PELI2: variants seen among roughly 807,000 people sequenced by gnomAD.
The protein encoded by PELI2 is E3 ubiquitin-protein ligase pellino homolog 2.
In PELI2, 23 loss-of-function variants were observed where a neutral mutation model predicts 42.3. That is an observed-to-expected ratio of 0.54 (90% CI 0.39 to 0.77). The LOEUF is 0.77. Among genes scored for constraint, PELI2 ranks in the 30% least tolerant of loss-of-function variants. The probability of loss-of-function intolerance (pLI) is 0.00; values close to 1 mark genes in which losing one functional copy is unlikely to be tolerated. For missense variants in PELI2, 463 were observed against 553.2 expected (o/e 0.84, Z 1.64); for synonymous variants, 245 against 212.2 (o/e 1.15, Z -1.34).
rs1490505956 is a variant in PELI2 at position 56,298,066 on chromosome 14, A to G, written c.*900A>G. 2 of 150,988 alleles carry G rather than the reference A, an allele frequency of 1.3e-5. No individual in the cohort carries two copies. The highest frequency in any genetic ancestry group is 2.4e-5 in the African/African-American group (1 of 41,104). The allele number at this position is 150,988 out of a possible 1,614,324, so 9.4% of individuals were successfully genotyped here. A position where few individuals can be genotyped will look rare whatever the true frequency, so the allele number is the denominator to read the frequency against. ...TAAGAATGATTAAAAATAAGCTTTT[A>G]CTTTTTAAAACCACTTGAGGTTTCA... On this transcript the variant is annotated 3_prime_UTR_variant, in exon 6 of 6. Coordinates refer to ENST00000267460, the MANE Select transcript of PELI2 (RefSeq NM_021255.3).
chr14:56,154,148 A>G lies in PELI2; in HGVS notation c.78-24187A>G, dbSNP rs1041299719. On this transcript the variant is annotated intron_variant, in intron 1 of 5. Transcript: ENST00000267460. ...TTGGTGTGTTTATTTAGTTTTTCTT[A>G]TGCATATTAAAAAGTTTCAACATGT... Among the ~76,000 whole-genome samples the G allele has an allele frequency of 5.9e-5, 9 of 152,344 alleles. No homozygotes were observed. The East Asian group carries it at 9.6e-4, about 16-fold the overall frequency.
rs777500836 is a variant in PELI2 at position 56,279,800 on chromosome 14, G to A, written c.309+23G>A. 75 of 1,275,410 alleles carry A rather than the reference G, an allele frequency of 5.9e-5. 1 individual carries two copies. Among genetic ancestry groups the A allele is most frequent in the Admixed American group, 1.8e-4 (10 of 55,540 alleles). 79.0% of individuals were successfully genotyped at this position (1,275,410 alleles called of 1,614,324 possible). A position where few individuals can be genotyped will look rare whatever the true frequency, so the allele number is the denominator to read the frequency against. ...CAGGTAATATTTTTCTTTTTTAATA[G>A]AAATTTTAGCACGTTTTCCTTTAAT... On this transcript the variant is annotated intron_variant, in intron 3 of 5. Transcript: ENST00000267460.
At chr14:56,296,081 A>G (rs535666306) in intron 5 of PELI2, among the ~76,000 whole-genome samples, 2 of 152,378 alleles carry the variant, frequency 1.3e-5, no homozygotes, top group Admixed American at 6.5e-5. Flanking sequence ...TTCAAACCTT[A>G]AAAATGAATG....
intron 2 of PELI2, among the ~76,000 whole-genome samples, chr14:56,278,421 C>T (rs556498130): frequency 1.3e-5 from 2 of 152,282 alleles, no homozygotes; most frequent in Admixed American, 6.5e-5. Context: ...CTTTCAAAAA[C>T]AGTCACTCTC....
At position 56,118,580 on chromosome 14, in the gene PELI2, T is replaced by C; in HGVS notation, c.-81T>C. The C allele has an allele frequency of 1.1e-6, 1 of 923,532 alleles. No homozygotes were observed. Among genetic ancestry groups the C allele is most frequent in the Non-Finnish European group, 1.5e-6 (1 of 682,484 alleles). The allele number at this position is 923,532 out of a possible 1,614,324, so 57.2% of individuals were successfully genotyped here. A position where few individuals can be genotyped will look rare whatever the true frequency, so the allele number is the denominator to read the frequency against. On this transcript the variant is annotated 5_prime_UTR_variant, in exon 1 of 6. Coordinates refer to ENST00000267460, the MANE Select transcript of PELI2 (RefSeq NM_021255.3). ...GCTCACCCCGTTCTCGGGATGGGAT[T>C]GTAGCGGCGGCGCGGACTCGGCGGG... is the stretch of plus-strand genomic sequence containing the variant.
chr14:56,259,585 G>GT (rs1345636125), intron 2 of PELI2, among the ~76,000 whole-genome samples: 2 of 152,114 alleles, frequency 1.3e-5, no homozygotes, highest in African/African-American at 4.8e-5. Flanking sequence ...TACTGGATAA[G>GT]TTAAACGTTC....
chr14:56,168,840 G>T (rs1005120611), intron 1 of PELI2, among the ~76,000 whole-genome samples: 7 of 152,060 alleles, frequency 4.6e-5, no homozygotes, highest in South Asian at 2.1e-4. Flanking sequence ...TGTAGTACCT[G>T]GGTATCACTG....
At chr14:56,193,777 T>C (rs1886034715) in intron 2 of PELI2, among the ~76,000 whole-genome samples, 1 of 152,230 alleles carries the variant, frequency 6.6e-6, no homozygotes, top group South Asian at 2.1e-4. Flanking sequence ...AGAAAAAATG[T>C]TTTAAGTTAA....
chr14:56,281,475 T>A (rs1388894972), intron 3 of PELI2, among the ~76,000 whole-genome samples: 3 of 152,150 alleles, frequency 2.0e-5, no homozygotes, highest in Non-Finnish European at 4.4e-5. Context: ...CAGCTCTTTT[T>A]CCATTTTCTG....
chr14:56,270,929 A>T (rs117205545), intron 2 of PELI2, among the ~76,000 whole-genome samples: 4 of 152,172 alleles, frequency 2.6e-5, no homozygotes, highest in African/African-American at 7.2e-5. Flanking sequence ...TTTCTAAAGT[A>T]CATGTAAAGT....
intron 2 of PELI2, among the ~76,000 whole-genome samples, chr14:56,238,673 C>G (rs1887877352): frequency 6.6e-6 from 1 of 152,118 alleles, no homozygotes; most frequent in Non-Finnish European, 1.5e-5. Context: ...AAATTTCAGG[C>G]ACTGAATTTG....
At chr14:56,218,974 C>T (rs965149470) in intron 2 of PELI2, among the ~76,000 whole-genome samples, 9 of 152,168 alleles carry the variant, frequency 5.9e-5, no homozygotes, top group Admixed American at 3.3e-4. Context: ...GCAGTGCTCT[C>T]GCACTGCTTT....
At chr14:56,275,530 G>T (rs962858695) in intron 2 of PELI2, among the ~76,000 whole-genome samples, 1 of 152,086 alleles carries the variant, frequency 6.6e-6, no homozygotes, top group South Asian at 2.1e-4. Context: ...AGATCATCAG[G>T]CATTAGATTC....
chr14:56,270,135 C>T (rs1339361866), intron 2 of PELI2, among the ~76,000 whole-genome samples: 1 of 152,196 alleles, frequency 6.6e-6, no homozygotes, highest in Non-Finnish European at 1.5e-5. Flanking sequence ...CTCAGTAAAC[C>T]AATCCAGGAT....
chr14:56,261,650 C>T (rs1257728125), intron 2 of PELI2, among the ~76,000 whole-genome samples: 2 of 152,152 alleles, frequency 1.3e-5, no homozygotes, highest in African/African-American at 4.8e-5. Context: ...AAGTCAGTTT[C>T]CTTATTTTAC....
At chr14:56,169,447 G>A (rs1885090953) in intron 1 of PELI2, among the ~76,000 whole-genome samples, 1 of 152,172 alleles carries the variant, frequency 6.6e-6, no homozygotes, top group Non-Finnish European at 1.5e-5. Flanking sequence ...AGTTGGTCTG[G>A]TGTTCCTTTT....
chr14:56,250,359 G>A (rs956865021), intron 2 of PELI2, among the ~76,000 whole-genome samples: 6 of 152,168 alleles, frequency 3.9e-5, no homozygotes, highest in African/African-American at 9.7e-5. Flanking sequence ...AGAACTAATA[G>A]GATAGATGAA....
At chr14:56,283,883 A>T (rs1889564311) in intron 3 of PELI2, among the ~76,000 whole-genome samples, 1 of 152,174 alleles carries the variant, frequency 6.6e-6, no homozygotes, top group African/African-American at 2.4e-5. Flanking sequence ...AGCAACTCTC[A>T]TAAGACCTTG....
At chr14:56,222,970 C>G (rs1278822458) in intron 2 of PELI2, among the ~76,000 whole-genome samples, 1 of 152,128 alleles carries the variant, frequency 6.6e-6, no homozygotes, top group Non-Finnish European at 1.5e-5. Flanking sequence ...AAAATGATAC[C>G]TTGGCAAATG....
Sources: allele counts gnomAD v4.1 joint callset (sites outside exome capture counted in the v4.1 genomes callset), GRCh38; gene constraint gnomAD v4.1.1; transcripts MANE v1.5; gene names NCBI Gene and HGNC (gene_info 2026-07-23, HGNC 2026-07-21).